Variants in RAB2A observed in about 807,000 individuals in gnomAD.
RAB2A encodes ras-related protein Rab-2A.
A neutral mutation model predicts 32.5 loss-of-function variants in RAB2A; 7 were observed. The ratio of observed to expected loss-of-function variants is 0.22; its 90% confidence interval spans 0.12 to 0.40. The LOEUF (loss-of-function observed/expected upper bound fraction) is 0.40, where lower values mean the gene tolerates loss of function less well. RAB2A is among the 10% of genes least tolerant of loss of function. The probability of loss-of-function intolerance (pLI) is 1.00; values close to 1 mark genes in which losing one functional copy is unlikely to be tolerated. For missense variants in RAB2A, 108 were observed against 260.7 expected, an observed-to-expected ratio of 0.41 and a Z score of 4.03; for synonymous variants, 79 against 85.2, an observed-to-expected ratio of 0.93 and a Z score of 0.40.
At chr8:60,584,185 T>C in intron 3 of RAB2A, 23 bp from the exon 4 acceptor site, 1 of 1,548,996 alleles carries the variant, frequency 6.5e-7, no homozygotes, top group Non-Finnish European at 8.9e-7. Context: ...AAGGAAACTC[T>C]CCAACCTTTT....
At chr8:60,553,075 A>G (rs1441311468) in intron 1 of RAB2A, 2 of 152,282 alleles carry the variant, frequency 1.3e-5, no homozygotes, top group Non-Finnish European at 2.9e-5. Flanking sequence ...TATCTGGGAT[A>G]ATAAGATAGG....
intron 1 of RAB2A, among the ~76,000 whole-genome samples, chr8:60,543,453 G>GTC (rs1807678228): frequency 7.4e-6 from 1 of 134,332 alleles, no homozygotes; most frequent in African/African-American, 3.9e-5. Context: ...CATTCACTTT[G>GTC]CTTTCTCCCC....
chr8:60,591,325 C>T (rs1803940889), intron 5 of RAB2A, among the ~76,000 whole-genome samples: 1 of 149,334 alleles, frequency 6.7e-6, no homozygotes, highest in African/African-American at 2.4e-5. Flanking sequence ...CTCCCTCCCT[C>T]TCTCTCTCTG....
At chr8:60,551,023 C>T (rs1347733514) in intron 1 of RAB2A, among the ~76,000 whole-genome samples, 1 of 152,160 alleles carries the variant, frequency 6.6e-6, no homozygotes. Context: ...ATCCACTGGC[C>T]TATTTCCTCA....
chr8:60,578,795 C>T (rs943731582), intron 3 of RAB2A, among the ~76,000 whole-genome samples: 1 of 152,150 alleles, frequency 6.6e-6, no homozygotes, highest in African/African-American at 2.4e-5. Flanking sequence ...ATGGGAAAGC[C>T]AGTTTAAGGG....
chr8:60,551,097 ATCT>A (rs1289023386), intron 1 of RAB2A, among the ~76,000 whole-genome samples: 5 of 152,114 alleles, frequency 3.3e-5, no homozygotes, highest in African/African-American at 1.2e-4. Context: ...TAAATAACAC[ATCT>A]TCCTCCTTCC....
intron 6 of RAB2A, among the ~76,000 whole-genome samples, chr8:60,606,451 T>C (rs1804233919): frequency 6.6e-6 from 1 of 152,202 alleles, no homozygotes; most frequent in Non-Finnish European, 1.5e-5. Flanking sequence ...ACTGTTTTGC[T>C]CTTACCTGAA....
chr8:60,607,987 C>T (rs975794788), intron 6 of RAB2A, among the ~76,000 whole-genome samples: 74 of 152,308 alleles, frequency 4.9e-4, no homozygotes, highest in African/African-American at 1.6e-3. Context: ...TAAGAGCTGT[C>T]TCCATTTCCT....
At chr8:60,548,667 C>G in intron 1 of RAB2A, among the ~76,000 whole-genome samples, 1 of 146,922 alleles carries the variant, frequency 6.8e-6, no homozygotes, top group African/African-American at 2.5e-5. Flanking sequence ...CCCTCCCGGA[C>G]GGAGTGGCTG....
intron 1 of RAB2A, among the ~76,000 whole-genome samples, chr8:60,549,003 G>A (rs550915948): frequency 6.6e-6 from 1 of 151,514 alleles, no homozygotes; most frequent in Non-Finnish European, 1.5e-5. Flanking sequence ...TCCCGGACGG[G>A]GCGGCAGGGC....
At chr8:60,583,523 A>G (rs1803796303) in intron 3 of RAB2A, among the ~76,000 whole-genome samples, 1 of 152,252 alleles carries the variant, frequency 6.6e-6, no homozygotes, top group Non-Finnish European at 1.5e-5. Flanking sequence ...GACAAGCATT[A>G]TATATCAAAT....
intron 3 of RAB2A, among the ~76,000 whole-genome samples, chr8:60,583,668 A>G (rs895066267): frequency 6.6e-6 from 1 of 152,240 alleles, no homozygotes; most frequent in Non-Finnish European, 1.5e-5. Context: ...AGTTTATGAT[A>G]TAACTGATAA....
chr8:60,621,968 C>T lies in RAB2A; in HGVS notation c.*1199C>T, dbSNP rs905432572. The T allele has an allele frequency of 2.6e-5, 4 of 152,072 alleles. No individual in the cohort carries two copies. The highest frequency in any genetic ancestry group is 9.7e-5 in the African/African-American group (4 of 41,412). The allele number at this position is 152,072 out of a possible 1,614,324, so 9.4% of individuals were successfully genotyped here. On this transcript the variant is annotated 3_prime_UTR_variant, in exon 8 of 8. Coordinates refer to ENST00000262646, the MANE Select transcript of RAB2A (RefSeq NM_002865.3). ...CCCTTGGTCTATAATGAAATTGTTA[C>T]AGCAGTGCAAAATAAAATCCTATGT...
chr8:60,540,992 GA>G (rs887763524), intron 1 of RAB2A, among the ~76,000 whole-genome samples: 1 of 152,214 alleles, frequency 6.6e-6, no homozygotes, highest in Non-Finnish European at 1.5e-5. Context: ...GTATGGAAAA[GA>G]GGGGGAAAGT....
chr8:60,558,952 C>T, intron 2 of RAB2A, 29 bp downstream of exon 2: 1 of 1,545,156 alleles, frequency 6.5e-7, no homozygotes, highest in South Asian at 1.1e-5. Flanking sequence ...ATGAGAAGCA[C>T]TAAAAGTTTT....
chr8:60,565,948 C>T (rs1036599536), intron 2 of RAB2A, among the ~76,000 whole-genome samples: 1 of 151,902 alleles, frequency 6.6e-6, no homozygotes, highest in Non-Finnish European at 1.5e-5. Context: ...CTCCTGACCT[C>T]GTGATCCACC....
chr8:60,619,479 C>T (rs1238222146), intron 7 of RAB2A, among the ~76,000 whole-genome samples: 1 of 152,198 alleles, frequency 6.6e-6, no homozygotes. Context: ...TCATCCTATA[C>T]ATAAATGAGG....
intron 6 of RAB2A, among the ~76,000 whole-genome samples, chr8:60,612,267 T>G (rs999738117): frequency 6.6e-6 from 1 of 152,230 alleles, no homozygotes; most frequent in African/African-American, 2.4e-5. Context: ...AAATGCCATA[T>G]TCCCCAAACC....
At position 60,557,254 on chromosome 8, in the gene RAB2A, G is replaced by T. The variant is rs556285079; in HGVS notation, c.47-1598G>T. ...ATCCCAGCCGGGCATGGTAGCTCAT[G>T]CCTATAATCCCAGCATTTTGGGACG... On this transcript the variant is annotated intron_variant, in intron 1 of 7. Coordinates refer to ENST00000262646, the MANE Select transcript of RAB2A (RefSeq NM_002865.3). Among the ~76,000 whole-genome samples, 17 of 152,276 alleles carry T rather than the reference G, an allele frequency of 1.1e-4. 1 individual carries two copies. The highest frequency in any genetic ancestry group is 1.1e-3 in the Admixed American group (17 of 15,302).
Sources: allele counts gnomAD v4.1 joint callset (sites outside exome capture counted in the v4.1 genomes callset), GRCh38; gene constraint gnomAD v4.1.1; transcripts MANE v1.5; gene names NCBI Gene and HGNC (gene_info 2026-07-23, HGNC 2026-07-21).